TMEM182: variants seen among roughly 807,000 people sequenced by gnomAD.
The protein encoded by TMEM182 is transmembrane protein 182.
TMEM182 carries 20 observed loss-of-function variants against 26.8 expected under a neutral mutation model. That is an observed-to-expected ratio of 0.75 (90% CI 0.53 to 1.09). TMEM182 has a LOEUF of 1.09. Among genes scored for constraint, TMEM182 ranks in the 50% least tolerant of loss-of-function variants. TMEM182 has a pLI of 0.00. For synonymous variants in TMEM182, 109 were observed against 102.2 expected (o/e 1.07, Z -0.40); for missense variants, 277 against 275.5 (o/e 1.01, Z -0.04).
chr2:102,742,575 A>G (rs1423485496), intron 1 of TMEM182, among the ~76,000 whole-genome samples: 3 of 152,234 alleles, frequency 2.0e-5, no homozygotes, highest in Non-Finnish European at 4.4e-5. Flanking sequence ...TAGGTAGCTT[A>G]GAGAACACCA....
chr2:102,768,343 A>G (rs1357539059), intron 3 of TMEM182, among the ~76,000 whole-genome samples: 2 of 152,030 alleles, frequency 1.3e-5, no homozygotes, highest in African/African-American at 4.8e-5. Flanking sequence ...GTCACTATTG[A>G]TGTGCAGAAT....
At chr2:102,777,557 G>A (rs563089020) in intron 3 of TMEM182, among the ~76,000 whole-genome samples, 1 of 152,072 alleles carries the variant, frequency 6.6e-6, no homozygotes, top group East Asian at 1.9e-4. Context: ...AAGTATTGAA[G>A]GTGGATTGTG....
chr2:102,764,532 G>T, intron 3 of TMEM182, 105 bp downstream of exon 3: 1 of 814,298 alleles, frequency 1.2e-6, no homozygotes, highest in Non-Finnish European at 1.8e-6. Context: ...TTTAAGACCT[G>T]TAATTTCAAT....
intron 2 of TMEM182, 113 bp from the exon 3 acceptor site, chr2:102,764,216 A>G (rs1487141604): frequency 2.9e-5 from 29 of 1,010,146 alleles, no homozygotes; most frequent in Non-Finnish European, 4.1e-5. Flanking sequence ...TGATGGAACC[A>G]GTAGTTTTGT....
At chr2:102,774,417 G>C (rs1680822348) in intron 3 of TMEM182, among the ~76,000 whole-genome samples, 1 of 150,824 alleles carries the variant, frequency 6.6e-6, no homozygotes, top group African/African-American at 2.4e-5. Context: ...CACCATGCCT[G>C]GCTAATTTTT....
At chr2:102,812,781 A>G (rs982612060) in intron 4 of TMEM182, among the ~76,000 whole-genome samples, 2 of 152,258 alleles carry the variant, frequency 1.3e-5, no homozygotes, top group Non-Finnish European at 2.9e-5. Context: ...CAAGGAAGAT[A>G]AAAACCATAT....
At chr2:102,808,291 C>T (rs950122528) in intron 4 of TMEM182, among the ~76,000 whole-genome samples, 1 of 152,158 alleles carries the variant, frequency 6.6e-6, no homozygotes, top group African/African-American at 2.4e-5. Context: ...AGCCATTCAG[C>T]TTTCCAATCT....
chr2:102,764,496 A>T (rs777958142), intron 3 of TMEM182, 69 bp downstream of exon 3: 18 of 1,327,874 alleles, frequency 1.4e-5, no homozygotes, highest in Admixed American at 3.8e-5. Context: ...CCAGATCAAA[A>T]TTGTTGTGAG....
chr2:102,806,634 C>T (rs1305622865), intron 4 of TMEM182, among the ~76,000 whole-genome samples: 1 of 152,116 alleles, frequency 6.6e-6, no homozygotes, highest in African/African-American at 2.4e-5. Context: ...ATTTGCTAAC[C>T]ATTAGCAGGA....
chr2:102,741,383 A>G (rs1245447591), intron 1 of TMEM182, among the ~76,000 whole-genome samples: 1 of 152,192 alleles, frequency 6.6e-6, no homozygotes, highest in African/African-American at 2.4e-5. Context: ...TGAAGATCTG[A>G]GAAAAATTCC....
chr2:102,782,824 AT>A (rs992522413), intron 3 of TMEM182, among the ~76,000 whole-genome samples: 3 of 152,052 alleles, frequency 2.0e-5, no homozygotes, highest in Non-Finnish European at 4.4e-5. Context: ...GCATCAATAT[AT>A]TTTTTTTCTT....
chr2:102,743,762 T>C (rs1440056640), intron 1 of TMEM182, among the ~76,000 whole-genome samples: 1 of 152,212 alleles, frequency 6.6e-6, no homozygotes, highest in South Asian at 2.1e-4. Flanking sequence ...AATAAAAGGC[T>C]AGGGAAAATT....
chr2:102,755,785 T>C (rs540705835), intron 1 of TMEM182, among the ~76,000 whole-genome samples: 61 of 152,202 alleles, frequency 4.0e-4, no homozygotes, highest in Non-Finnish European at 8.4e-4. Context: ...TATGGGCTTT[T>C]CTTCATTTGC....
chr2:102,837,008 T>C (rs982458311), intron 3 of TMEM182, among the ~76,000 whole-genome samples: 5 of 152,348 alleles, frequency 3.3e-5, no homozygotes, highest in African/African-American at 1.2e-4. Flanking sequence ...AGTTGAAATA[T>C]GTTGCCTGCC....
intron 3 of TMEM182, among the ~76,000 whole-genome samples, chr2:102,787,925 A>G (rs1160412284): frequency 3.3e-5 from 5 of 152,226 alleles, no homozygotes; most frequent in Admixed American, 3.3e-4. Context: ...TGTGAGGGCT[A>G]AGCCATTGCC....
chr2:102,782,122 G>A (rs952788386), intron 3 of TMEM182, among the ~76,000 whole-genome samples: 3 of 151,966 alleles, frequency 2.0e-5, no homozygotes, highest in Non-Finnish European at 2.9e-5. Context: ...CGTGGCCAAC[G>A]TGGCGAAACC....
intron 3 of TMEM182, among the ~76,000 whole-genome samples, chr2:102,782,297 G>T (rs1681203047): frequency 9.0e-6 from 1 of 111,160 alleles, no homozygotes; most frequent in Non-Finnish European, 1.8e-5. Flanking sequence ...TTGCACTCCA[G>T]CCTGGGTGAC....
At chr2:102,792,759 A>G (rs935272687) in intron 3 of TMEM182, among the ~76,000 whole-genome samples, 3 of 152,170 alleles carry the variant, frequency 2.0e-5, no homozygotes, top group East Asian at 1.9e-4. Context: ...CTATGTGATC[A>G]AAGCTCTCCA....
upstream of TMEM182, chr2:102,758,368 A>T (rs1325252327): frequency 8.6e-6 from 6 of 695,964 alleles, no homozygotes; most frequent in South Asian, 3.2e-5. Context: ...GCAACACTGA[A>T]TGGCTGTTAA....
Sources: gnomAD v4.1 joint callset for allele counts (sites outside exome capture counted in the v4.1 genomes callset) on GRCh38, gnomAD v4.1.1 for gene constraint, MANE v1.5 for transcripts, NCBI Gene and HGNC (gene_info 2026-07-23, HGNC 2026-07-21) for gene names.